KLF3: variants seen among roughly 807,000 people sequenced by gnomAD.
The protein encoded by KLF3 is Krueppel-like factor 3.
KLF3 carries 6 observed loss-of-function variants against 32.7 expected under a neutral mutation model. The observed-to-expected ratio is 0.18, with a 90% CI of 0.10 to 0.36. The LOEUF (loss-of-function observed/expected upper bound fraction) is 0.36, where lower values mean the gene tolerates loss of function less well. KLF3 is among the 10% of genes least tolerant of loss of function. The pLI is 1.00. For synonymous variants in KLF3, 145 were observed against 172.8 expected, an observed-to-expected ratio of 0.84 and a Z score of 1.26; for missense variants, 338 against 449.7, an observed-to-expected ratio of 0.75 and a Z score of 2.25.
In KLF3 at chr4:38,700,221, A is replaced by C. The variant is rs1009946420; in HGVS notation, c.*2958A>C. ...ACTAGGGAGATGCTAAATACACAGA[A>C]GTTTCAAGAGCCTTGGAACAGAATT... is the stretch of plus-strand genomic sequence containing the variant. On this transcript the variant is annotated 3_prime_UTR_variant, in exon 6 of 6. Coordinates refer to ENST00000261438, the MANE Select transcript of KLF3 (RefSeq NM_016531.6). 3.3e-5 allele frequency: 5 copies of C among 152,218 alleles called. No individual in the cohort carries two copies. The highest frequency in any genetic ancestry group is 9.6e-5 in the African/African-American group (4 of 41,466). The allele number at this position is 152,218 out of a possible 1,614,324, so 9.4% of individuals were successfully genotyped here. A position where few individuals can be genotyped will look rare whatever the true frequency, so the allele number is the denominator to read the frequency against.
intron 1 of KLF3, among the ~76,000 whole-genome samples, chr4:38,678,345 T>C (rs1451245817): frequency 6.6e-6 from 1 of 152,180 alleles, no homozygotes. Flanking sequence ...TGCTTAATAA[T>C]AGATCCCAAG....
chr4:38,697,151 G>T lies in KLF3; in HGVS notation c.926G>T (p.Arg309Ile). The change falls in exon 6 of 6, where the codon AGA becomes ATA. Residue 309 changes from arginine (R) to isoleucine (I), a missense_variant. By Grantham distance (97) the Arg-to-Ile change is moderately conservative (BLOSUM62 -3). This residue lies in a region of KLF3 where 66 missense variants were observed against 136.2 expected (regional missense o/e 0.48). Coordinates refer to ENST00000261438, the MANE Select transcript of KLF3 (RefSeq NM_016531.6). ...WKFARSDELTRHFRKHTGIKP... is the reference protein window; with the variant it reads ...WKFARSDELTIHFRKHTGIKP... ...TTTGCTCGGTCTGATGAACTAACAAGACATTTCCGAAAACATACTGGAATC... is the reference window on the plus strand; with the variant it reads ...TTTGCTCGGTCTGATGAACTAACAATACATTTCCGAAAACATACTGGAATC... The T allele has an allele frequency of 6.2e-7, 1 of 1,614,048 alleles. No homozygotes were observed. Among genetic ancestry groups the T allele is most frequent in the Non-Finnish European group, 8.5e-7 (1 of 1,179,990 alleles).
intron 4 of KLF3, among the ~76,000 whole-genome samples, chr4:38,693,346 T>C (rs1722942221): frequency 6.7e-6 from 1 of 148,672 alleles, no homozygotes; most frequent in African/African-American, 2.5e-5. Flanking sequence ...AATAATGTTT[T>C]TTTTAAAAAA....
In KLF3 at chr4:38,688,582, T is replaced by C; in HGVS notation, c.58-3T>C. 1.9e-6 allele frequency: 3 copies of C among 1,567,534 alleles called. No homozygotes were observed. Among genetic ancestry groups the C allele is most frequent in the African/African-American group, 1.4e-5 (1 of 73,138 alleles). ...GACACGTTTTCCTTTTCTTTTCTAA[T>C]AGTCATACCCATCTAATTACATGGA... On this transcript the variant is annotated splice_region_variant and splice_polypyrimidine_tract_variant and intron_variant, in intron 2 of 5. Coordinates refer to ENST00000261438, the MANE Select transcript of KLF3 (RefSeq NM_016531.6). This position sits in a 1 kb window ranked among gnomAD's most constrained non-coding sequence, Gnocchi z 4.9.
intron 2 of KLF3, among the ~76,000 whole-genome samples, chr4:38,681,748 G>T (rs80081272): frequency 6.6e-6 from 1 of 152,228 alleles, no homozygotes; most frequent in Non-Finnish European, 1.5e-5. Flanking sequence ...ATATTCACAA[G>T]GGGGAAAACT....
At chr4:38,682,441 C>G (rs749395448) in intron 2 of KLF3, among the ~76,000 whole-genome samples, 1 of 152,170 alleles carries the variant, frequency 6.6e-6, no homozygotes, top group Non-Finnish European at 1.5e-5. Context: ...TACATGATCA[C>G]GTTAGAGGAA....
chr4:38,681,178 G>C (rs1410340197), intron 2 of KLF3, among the ~76,000 whole-genome samples: 1 of 152,136 alleles, frequency 6.6e-6, no homozygotes, highest in Non-Finnish European at 1.5e-5. Flanking sequence ...CTTTAAATGG[G>C]ATCTGCGCTT....
At chr4:38,672,981 CAAG>C (rs970844444) in intron 1 of KLF3, among the ~76,000 whole-genome samples, 12 of 152,232 alleles carry the variant, frequency 7.9e-5, no homozygotes, top group Admixed American at 7.8e-4. Context: ...GAGGCAGGAA[CAAG>C]GAGGGGTAGG....
chr4:38,669,893 CAAAAAAAAAAAAAA>C (rs60339860), intron 1 of KLF3, among the ~76,000 whole-genome samples: 8 of 41,180 alleles, frequency 1.9e-4, no homozygotes, highest in Admixed American at 5.2e-4. Flanking sequence ...GACTCTGTCT[CAAAAAAAAAAAAAA>C]AAAAAAAAAA....
chr4:38,664,226 C>G lies in KLF3; in HGVS notation c.-275C>G, dbSNP rs1721903516. The G allele has an allele frequency of 6.6e-6, 1 of 152,048 alleles. No individual in the cohort carries two copies. The highest frequency in any genetic ancestry group is 1.5e-5 in the Non-Finnish European group (1 of 68,138). 9.4% of individuals were successfully genotyped at this position (152,048 alleles called of 1,614,324 possible). ...AGCGAGCGGCGCCGGCGTCATGTGA[C>G]TGCCCGGAGTTGGTGCCAGGAGCCA... On this transcript the variant is annotated 5_prime_UTR_variant, in exon 1 of 6. Transcript: ENST00000261438.
rs184658890 is a variant in KLF3 at position 38,671,675 on chromosome 4, G to A, written c.-40+7214G>A. 9.2e-5 allele frequency among the ~76,000 whole-genome samples: 14 copies of A among 152,316 alleles called. No homozygotes were observed. The East Asian group carries it at 2.7e-3, about 29-fold the overall frequency. Reference sequence around the variant, plus strand: ...GTTCAAGTCCTGGCTCTACGAGTTAGCAGCTGTGTGATGTTAGGCAGGTTA... The same window carrying A: ...GTTCAAGTCCTGGCTCTACGAGTTAACAGCTGTGTGATGTTAGGCAGGTTA... On this transcript the variant is annotated intron_variant, in intron 1 of 5. Coordinates refer to ENST00000261438, the MANE Select transcript of KLF3 (RefSeq NM_016531.6). The surrounding 1 kb of genome is among the most constrained non-coding windows in gnomAD (Gnocchi z 4.4).
At chr4:38,684,075 G>T (rs1339924800) in intron 2 of KLF3, among the ~76,000 whole-genome samples, 1 of 152,128 alleles carries the variant, frequency 6.6e-6, no homozygotes, top group Non-Finnish European at 1.5e-5. Context: ...TCATGTTGAG[G>T]AATAGTGAAA....
At chr4:38,676,734 CTTTTTTT>C (rs559818782) in intron 1 of KLF3, among the ~76,000 whole-genome samples, 2 of 150,482 alleles carry the variant, frequency 1.3e-5, no homozygotes, top group Non-Finnish European at 3.0e-5. Flanking sequence ...TTTGCACGGA[CTTTTTTT>C]TTAATGTCCA....
chr4:38,666,690 G>A (rs935853881), intron 1 of KLF3, among the ~76,000 whole-genome samples: 12 of 152,220 alleles, frequency 7.9e-5, no homozygotes, highest in African/African-American at 2.9e-4. Context: ...GAACAGATGA[G>A]CAGCTCTGCA....
intron 1 of KLF3, among the ~76,000 whole-genome samples, chr4:38,677,935 AC>A (rs1303259748): frequency 2.0e-5 from 3 of 150,546 alleles, no homozygotes; most frequent in Non-Finnish European, 3.0e-5. Flanking sequence ...CACTTGATAG[AC>A]CTAAATCCTT....
intron 5 of KLF3, among the ~76,000 whole-genome samples, chr4:38,696,581 T>C (rs976918066): frequency 9.9e-5 from 15 of 152,226 alleles, no homozygotes; most frequent in African/African-American, 3.6e-4. Flanking sequence ...TTAGGCCTAA[T>C]TGTTATTGAC....
At chr4:38,681,156 CA>C (rs2109245845) in intron 2 of KLF3, among the ~76,000 whole-genome samples, 1 of 152,282 alleles carries the variant, frequency 6.6e-6, no homozygotes, top group South Asian at 2.1e-4. Context: ...ACTGTCCTAG[CA>C]GCTGTGGATC....
intron 1 of KLF3, among the ~76,000 whole-genome samples, chr4:38,676,544 C>A (rs1392826586): frequency 6.6e-6 from 1 of 152,158 alleles, no homozygotes; most frequent in South Asian, 2.1e-4. Flanking sequence ...TTAACAGTTT[C>A]GGGTGTGTGG....
intron 1 of KLF3, among the ~76,000 whole-genome samples, chr4:38,675,471 T>G (rs1560414530): frequency 3.3e-5 from 5 of 152,200 alleles, no homozygotes; most frequent in Admixed American, 2.0e-4. Context: ...CTAGCTAATG[T>G]ATTTCTAAAG....
Sources: allele counts gnomAD v4.1 joint callset (sites outside exome capture counted in the v4.1 genomes callset), GRCh38; gene constraint gnomAD v4.1.1; regional missense constraint gnomAD v4.1.1; non-coding constraint Gnocchi (gnomAD v3.1); transcripts MANE v1.5; gene names NCBI Gene and HGNC (gene_info 2026-07-23, HGNC 2026-07-21).